THSD7B: variants seen among roughly 807,000 people sequenced by gnomAD.
The protein encoded by THSD7B is thrombospondin type-1 domain-containing protein 7B.
THSD7B carries 138 observed loss-of-function variants against 213.6 expected under a neutral mutation model. The ratio of observed to expected loss-of-function variants is 0.65; its 90% CI spans 0.56 to 0.74. The LOEUF (loss-of-function observed/expected upper bound fraction) is 0.74. THSD7B is among the 30% of genes least tolerant of loss of function. The pLI, the probability that THSD7B is intolerant of heterozygous loss-of-function variation, is 0.00. For synonymous variants in THSD7B, 742 were observed against 687.0 expected (o/e 1.08, Z -1.25); for missense variants, 1,931 against 1,991.5 (o/e 0.97, Z 0.58).
intron 4 of THSD7B, among the ~76,000 whole-genome samples, chr2:137,099,163 C>T (rs1436937161): frequency 6.6e-6 from 1 of 152,070 alleles, no homozygotes; most frequent in Non-Finnish European, 1.5e-5. Context: ...CAGTTGCCAC[C>T]TTGGCTCTTG....
chr2:136,991,098 A>AT (rs1280557177), intron 2 of THSD7B, among the ~76,000 whole-genome samples: 2 of 152,210 alleles, frequency 1.3e-5, no homozygotes, highest in East Asian at 3.9e-4. Flanking sequence ...AAGGCTGTAC[A>AT]TTTTGCCTCA....
At position 137,233,068 on chromosome 2, in the gene THSD7B, T is replaced by C. The variant is rs748430861; in HGVS notation, c.2085T>C (p.Gly695=). Residue 695 remains glycine (G), a synonymous_variant, in exon 9 of 28, where the codon GGT becomes GGC. Transcript: ENST00000409968. ...GCTGGAATGGAGAAGCCACGTGTGGTGTAGGCATTCAGACTCGGAGAGTCT... is the reference window on the plus strand; with the variant it reads ...GCTGGAATGGAGAAGCCACGTGTGGCGTAGGCATTCAGACTCGGAGAGTCT... ...TIGWNGEATC[G]VGIQTRRVFC... 12 of 1,613,904 alleles carry C rather than the reference T, an allele frequency of 7.4e-6. No individual in the cohort carries two copies. Among genetic ancestry groups the C allele is most frequent in the Non-Finnish European group, 1.0e-5 (12 of 1,179,826 alleles).
At chr2:137,037,785 T>C (rs1314488649) in intron 2 of THSD7B, among the ~76,000 whole-genome samples, 4 of 152,176 alleles carry the variant, frequency 2.6e-5, no homozygotes, top group African/African-American at 9.6e-5. Context: ...GTGTAGTTTA[T>C]ATTAGCTGGA....
intron 3 of THSD7B, among the ~76,000 whole-genome samples, chr2:137,057,460 A>G (rs1687192454): frequency 6.6e-6 from 1 of 152,210 alleles, no homozygotes; most frequent in Non-Finnish European, 1.5e-5. Context: ...ATGCAATTAT[A>G]TATATAGGAT....
chr2:137,637,830 G>T (rs965254250), intron 20 of THSD7B, among the ~76,000 whole-genome samples: 29 of 152,060 alleles, frequency 1.9e-4, no homozygotes, highest in African/African-American at 7.0e-4. Flanking sequence ...AGTCTCTTTG[G>T]CCATGATAAA....
chr2:136,895,418 A>T (rs1276726940), intron 2 of THSD7B, among the ~76,000 whole-genome samples: 1 of 151,600 alleles, frequency 6.6e-6, no homozygotes. Context: ...GATCTCATTA[A>T]TAAAAAAAAA....
At chr2:137,650,723 A>G (rs752105656) in intron 21 of THSD7B, among the ~76,000 whole-genome samples, 7 of 152,208 alleles carry the variant, frequency 4.6e-5, no homozygotes, top group Non-Finnish European at 7.4e-5. Context: ...TGAGTCTGTC[A>G]TATGAAATCT....
chr2:137,189,720 A>G (rs1467347571), intron 7 of THSD7B, among the ~76,000 whole-genome samples: 4 of 151,972 alleles, frequency 2.6e-5, no homozygotes, highest in Admixed American at 2.0e-4. Flanking sequence ...GAACTTAGCT[A>G]TAAATTCTTT....
In THSD7B at chr2:137,620,702, T is replaced by C. The variant is rs753897230; in HGVS notation, c.3775T>C (p.Cys1259Arg). Residue 1259 changes from cysteine (C) to arginine (R), a missense_variant, in exon 20 of 28, where the codon TGT (cysteine) becomes CGT (arginine). By Grantham distance (180) the Cys-to-Arg change is radical. Transcript: ENST00000409968. The part of the protein sequence containing the change: ...QLSGWTAWTE[C>R]SQTCGHGGRM... ...CTCAGGGTGGACGGCTTGGACAGAG[T>C]GTTCACAGACCTGTGGCCATGGAGG... 6.2e-7 allele frequency: 1 copy of C among 1,613,710 alleles called. No homozygotes were observed. Among genetic ancestry groups the C allele is most frequent in the Non-Finnish European group, 8.5e-7 (1 of 1,179,724 alleles).
At chr2:137,058,926 A>G (rs1341391484) in intron 3 of THSD7B, among the ~76,000 whole-genome samples, 1 of 152,090 alleles carries the variant, frequency 6.6e-6, no homozygotes, top group Non-Finnish European at 1.5e-5. Flanking sequence ...TGAGAAATAG[A>G]TTTCTGTTGT....
In THSD7B at chr2:137,572,463, G is replaced by A. The variant is rs778546874; in HGVS notation, c.3330G>A (p.Gln1110=). The change falls in exon 17 of 28, where the codon CAG becomes CAA. Residue 1110 remains glutamine (Q), a synonymous_variant. Transcript: ENST00000409968. ...CAGTGGATAGCAACCTGTGCAACCA[G>A]GATGAAATTCCCCCAGAAACCCAGT... is the stretch of plus-strand genomic sequence containing the variant. ...GGAVDSNLCN[Q]DEIPPETQSC... is the part of the protein sequence containing the mutation. 7.4e-6 allele frequency: 12 copies of A among 1,613,816 alleles called. No individual in the cohort carries two copies. In the Admixed American group the frequency reaches 1.7e-4, roughly 22 times the overall value.
At chr2:136,915,088 T>G (rs532241768) in intron 2 of THSD7B, among the ~76,000 whole-genome samples, 29 of 152,306 alleles carry the variant, frequency 1.9e-4, no homozygotes, top group African/African-American at 6.5e-4. Flanking sequence ...TTGGACTGTT[T>G]GGGGCATGAA....
intron 2 of THSD7B, among the ~76,000 whole-genome samples, chr2:136,895,547 T>C: frequency 9.4e-6 from 1 of 106,720 alleles, no homozygotes; most frequent in Non-Finnish European, 1.9e-5. Flanking sequence ...TTTTACAGAA[T>C]TCCATGCTAT....
At chr2:137,020,418 AATTG>A (rs1364348955) in intron 2 of THSD7B, among the ~76,000 whole-genome samples, 1 of 152,162 alleles carries the variant, frequency 6.6e-6, no homozygotes, top group African/African-American at 2.4e-5. Context: ...CGCTTTAGAA[AATTG>A]ATTGTGCTTA....
intron 12 of THSD7B, among the ~76,000 whole-genome samples, chr2:137,346,828 T>C (rs902335770): frequency 1.3e-4 from 19 of 151,784 alleles, no homozygotes; most frequent in African/African-American, 4.1e-4. Flanking sequence ...CATTCATTCA[T>C]TGGTCGACAT....
chr2:137,063,260 T>G (rs1687313160), intron 3 of THSD7B, among the ~76,000 whole-genome samples: 1 of 152,028 alleles, frequency 6.6e-6, no homozygotes, highest in Admixed American at 6.6e-5. Flanking sequence ...AATTAGTGTA[T>G]TTAGATCATT....
chr2:136,942,682 A>C lies in THSD7B; in HGVS notation c.139+60365A>C, dbSNP rs1365712449. Among the ~76,000 whole-genome samples, 12 of 152,072 alleles carry C rather than the reference A, an allele frequency of 7.9e-5. No homozygotes were observed. In the East Asian group the frequency reaches 2.3e-3, roughly 29 times the overall value. ...TTATTGCTGTATAGGAATGCTTGTGATTTTCGCACATTGATTTTATATCCT... is the reference window on the plus strand; with the variant it reads ...TTATTGCTGTATAGGAATGCTTGTGCTTTTCGCACATTGATTTTATATCCT... On this transcript the variant is annotated intron_variant, in intron 2 of 27. Transcript: ENST00000409968.
At chr2:137,186,443 T>C (rs1167679787) in intron 7 of THSD7B, among the ~76,000 whole-genome samples, 1 of 152,052 alleles carries the variant, frequency 6.6e-6, no homozygotes, top group Non-Finnish European at 1.5e-5. Context: ...CTTCCGCAAA[T>C]GGCTAGACAG....
At chr2:137,077,118 T>G (rs934209632) in intron 3 of THSD7B, among the ~76,000 whole-genome samples, 4 of 151,928 alleles carry the variant, frequency 2.6e-5, no homozygotes, top group Non-Finnish European at 4.4e-5. Flanking sequence ...AGAATGATGG[T>G]TTCCAGCTTC....
Sources: allele counts gnomAD v4.1 joint callset (sites outside exome capture counted in the v4.1 genomes callset), GRCh38; gene constraint gnomAD v4.1.1; transcripts MANE v1.5; gene names NCBI Gene and HGNC (gene_info 2026-07-23, HGNC 2026-07-21).